Variants in CNTN3 observed in about 807,000 individuals in gnomAD.
The protein encoded by CNTN3 is contactin 3.
CNTN3 carries 60 observed loss-of-function variants against 119.1 expected under a neutral mutation model. That is an observed-to-expected ratio of 0.50 (90% CI 0.41 to 0.62). The LOEUF is 0.62. CNTN3 is among the 20% of genes least tolerant of loss of function. The pLI, the probability that CNTN3 is intolerant of heterozygous loss-of-function variation, is 0.00. For missense variants in CNTN3, 1,101 were observed against 1,242.4 expected (o/e 0.89, Z 1.71); for synonymous variants, 450 against 438.7 (o/e 1.03, Z -0.32).
At chr3:74,534,654 T>C (rs1703738236) in intron 1 of CNTN3, among the ~76,000 whole-genome samples, 1 of 152,076 alleles carries the variant, frequency 6.6e-6, no homozygotes, top group Admixed American at 6.6e-5. Context: ...AATGATGCTA[T>C]AGAAGTGCAA....
At chr3:74,295,439 G>A (rs529028492) in intron 18 of CNTN3, among the ~76,000 whole-genome samples, 2 of 152,256 alleles carry the variant, frequency 1.3e-5, no homozygotes, top group African/African-American at 4.8e-5. Context: ...GCTTTTCTTT[G>A]CTAAACAGCT....
At chr3:74,594,272 TC>T (rs141017852) in intron 1 of CNTN3, among the ~76,000 whole-genome samples, 5 of 138,968 alleles carry the variant, frequency 3.6e-5, no homozygotes, top group African/African-American at 1.2e-4. Context: ...TTTCTTTTTT[TC>T]TTTTTTTTTT....
At chr3:74,402,974 T>C (rs1705235484) in intron 5 of CNTN3, among the ~76,000 whole-genome samples, 1 of 152,090 alleles carries the variant, frequency 6.6e-6, no homozygotes, top group East Asian at 1.9e-4. Flanking sequence ...TAATTCTAGG[T>C]ATTCTGAAGG....
In CNTN3 at chr3:74,317,534, T is replaced by A. The variant is rs200189515; in HGVS notation, c.1669-14727A>T. ...AGGAGCTCTTTTAGGGCAGGCCTGG[T>A]GGTGACAAAATCTCTCAGCATTTGC... On this transcript the variant is annotated intron_variant, in intron 13 of 22. Coordinates refer to ENST00000263665, the MANE Select transcript of CNTN3 (RefSeq NM_020872.3). Among the ~76,000 whole-genome samples, 136 of 152,180 alleles carry A rather than the reference T, an allele frequency of 8.9e-4. 1 individual carries two copies. The East Asian group carries it at 0.021, about 23-fold the overall frequency.
At chr3:74,406,148 T>A (rs562162402) in intron 5 of CNTN3, among the ~76,000 whole-genome samples, 4 of 152,214 alleles carry the variant, frequency 2.6e-5, no homozygotes, top group African/African-American at 9.6e-5. Context: ...AAATATAATG[T>A]TGAAAGGTGA....
intron 4 of CNTN3, among the ~76,000 whole-genome samples, chr3:74,468,901 G>C (rs565095007): frequency 6.6e-6 from 1 of 152,146 alleles, no homozygotes; most frequent in East Asian, 1.9e-4. Context: ...TAGGTTCCAA[G>C]CCTGTCATTT....
chr3:74,511,699 G>A (rs916332426), intron 2 of CNTN3, among the ~76,000 whole-genome samples: 6 of 151,972 alleles, frequency 3.9e-5, no homozygotes, highest in Non-Finnish European at 7.4e-5. Flanking sequence ...ATTTCATAAC[G>A]TGAAAATTAT....
rs370136950 is a variant in CNTN3 at position 74,395,282 on chromosome 3, G to A, written c.455-23883C>T. ...ATCAACAGCTAAGGGCATCATACAT[G>A]CTTTGAAGAACATAACCAAGACTGA... On this transcript the variant is annotated intron_variant, in intron 5 of 22. Transcript: ENST00000263665. Among the ~76,000 whole-genome samples the A allele has an allele frequency of 1.6e-4, 24 of 152,154 alleles. No individual in the cohort carries two copies. The East Asian group carries it at 4.3e-3, about 27-fold the overall frequency.
chr3:74,488,897 T>C (rs1702909549), intron 3 of CNTN3, among the ~76,000 whole-genome samples: 1 of 152,196 alleles, frequency 6.6e-6, no homozygotes, highest in African/African-American at 2.4e-5. Flanking sequence ...ATTTGCAAAG[T>C]AAACTCTCTT....
At chr3:74,452,726 G>T (rs1344437044) in intron 4 of CNTN3, among the ~76,000 whole-genome samples, 2 of 140,676 alleles carry the variant, frequency 1.4e-5, no homozygotes, top group Admixed American at 1.5e-4. Context: ...TTAGCATGAA[G>T]AGTTGTTGAA....
At chr3:74,523,177 T>A (rs1194289159) in intron 1 of CNTN3, among the ~76,000 whole-genome samples, 1 of 151,852 alleles carries the variant, frequency 6.6e-6, no homozygotes, top group Non-Finnish European at 1.5e-5. Context: ...ACTGAAATCA[T>A]TCTAGATTAG....
intron 3 of CNTN3, among the ~76,000 whole-genome samples, chr3:74,495,517 G>A (rs562948467): frequency 1.3e-5 from 2 of 151,880 alleles, no homozygotes; most frequent in Non-Finnish European, 2.9e-5. Flanking sequence ...ACAGTACTAT[G>A]TATAGTACTC....
intron 22 of CNTN3, among the ~76,000 whole-genome samples, chr3:74,266,236 C>A (rs1374536608): frequency 1.3e-5 from 2 of 152,028 alleles, no homozygotes; most frequent in Admixed American, 6.6e-5. Context: ...GAAAAAAAAT[C>A]AAATTAATGA....
At position 74,285,420 on chromosome 3, in the gene CNTN3, T is replaced by C; in HGVS notation, c.2589A>G (p.Ser863=). The change falls in exon 20 of 23, where the codon TCA becomes TCG. Residue 863 remains serine (S), a synonymous_variant. Coordinates refer to ENST00000263665, the MANE Select transcript of CNTN3 (RefSeq NM_020872.3). ...TGCTCTTCAGGCCCCGTAGTCTGGC[T>C]GATGTCTCATTTCCTGCCACTTTCA... The part of the protein sequence containing the change: ...SKMKVAGNET[S]ARLRGLKSNL... 1 of 1,613,668 alleles carries C rather than the reference T, an allele frequency of 6.2e-7. No individual in the cohort carries two copies.
chr3:74,326,861 C>A (rs1332450094), intron 13 of CNTN3, among the ~76,000 whole-genome samples: 1 of 152,104 alleles, frequency 6.6e-6, no homozygotes, highest in Non-Finnish European at 1.5e-5. Context: ...TGTAGCCTCA[C>A]CTTGTTGATG....
In CNTN3 at chr3:74,297,836, T is replaced by G; in HGVS notation, c.2401+121A>C. ...TGACTTGCACTGGGAATCTAACTAC[T>G]ACCTGGATGATTGTTCTTTGGAATA... On this transcript the variant is annotated intron_variant, in intron 18 of 22. Coordinates refer to ENST00000263665, the MANE Select transcript of CNTN3 (RefSeq NM_020872.3). The G allele has an allele frequency of 2.8e-6, 2 of 711,426 alleles. 1 individual carries two copies. Among genetic ancestry groups the G allele is most frequent in the South Asian group, 3.9e-5 (2 of 51,804 alleles). The allele number at this position is 711,426 out of a possible 1,614,324, so 44.1% of individuals were successfully genotyped here.
intron 11 of CNTN3, among the ~76,000 whole-genome samples, chr3:74,341,175 G>A (rs1703534785): frequency 6.6e-6 from 1 of 152,158 alleles, no homozygotes; most frequent in South Asian, 2.1e-4. Context: ...GGTTCTTCCA[G>A]TAAGTTCTAA....
intron 4 of CNTN3, among the ~76,000 whole-genome samples, chr3:74,428,929 G>A (rs7431285): frequency 0.39 from 59,223 of 152,004 alleles, 12,066 homozygotes; most frequent in East Asian, 0.58. Context: ...ATTGCCTACA[G>A]TATTAAGTAA....
At position 74,422,031 on chromosome 3, in the gene CNTN3, T is replaced by C. The variant is rs111899404; in HGVS notation, c.454+2814A>G. Among the ~76,000 whole-genome samples, 356 of 152,304 alleles carry C rather than the reference T, an allele frequency of 2.3e-3. 2 individuals carry two copies. The highest frequency in any genetic ancestry group is 8.3e-3 in the African/African-American group (347 of 41,562). On this transcript the variant is annotated intron_variant, in intron 5 of 22. Transcript: ENST00000263665. The stretch of plus-strand genomic sequence containing the variant: ...AAAAAGCATGTATAACTGGCCAAAT[T>C]TTTAAAAATGTATTCCTTACATGAA...
Sources: gnomAD v4.1 joint callset for allele counts (sites outside exome capture counted in the v4.1 genomes callset) on GRCh38, gnomAD v4.1.1 for gene constraint, MANE v1.5 for transcripts, NCBI Gene and HGNC (gene_info 2026-07-23, HGNC 2026-07-21) for gene names.